TANC1: variants seen among roughly 807,000 people sequenced by gnomAD.
TANC1 encodes the protein protein TANC1.
In TANC1, 77 loss-of-function variants were observed where a neutral mutation model predicts 149.7. The ratio of observed to expected loss-of-function variants is 0.51; its 90% CI spans 0.43 to 0.62. The LOEUF (loss-of-function observed/expected upper bound fraction) is 0.62. Ranked by LOEUF, TANC1 falls within the 20% of genes least tolerant of loss-of-function variation. The pLI is 0.00. For synonymous variants in TANC1, 854 were observed against 925.0 expected, an observed-to-expected ratio of 0.92 and a Z score of 1.39; for missense variants, 1,985 against 2,321.8, an observed-to-expected ratio of 0.85 and a Z score of 2.98.
At position 159,178,893 on chromosome 2, in the gene TANC1, C is replaced by T. The variant is rs2056160577; in HGVS notation, c.2240C>T (p.Thr747Ile). ...CTTCAGTGCAACATGAAGTTCATGA[C>T]CCAGTCCGCCTTTGAGAGGGCACTT... ...YLLQCNMKFM[T>I]QSAFERALPI... Residue 747 changes from threonine (T) to isoleucine (I), a missense_variant, in exon 14 of 27, where the codon ACC becomes ATC. By Grantham distance (89) the Thr-to-Ile change is moderately conservative (BLOSUM62 -1). Around this residue, in one of 3 missense-constraint regions of TANC1, gnomAD observed 508 missense variants for 714.2 expected, o/e 0.71. Coordinates refer to ENST00000263635, the MANE Select transcript of TANC1 (RefSeq NM_033394.3). 5 of 1,614,234 alleles carry T rather than the reference C, an allele frequency of 3.1e-6. No homozygotes were observed. Among genetic ancestry groups the T allele is most frequent in the Non-Finnish European group, 4.2e-6 (5 of 1,180,048 alleles).
chr2:159,052,634 G>A (rs1470033311), intron 2 of TANC1, among the ~76,000 whole-genome samples: 1 of 152,088 alleles, frequency 6.6e-6, no homozygotes, highest in Non-Finnish European at 1.5e-5. Flanking sequence ...CTAAGACAAG[G>A]GATCTGTGAA....
At chr2:159,037,619 C>T (rs1345915102) in intron 2 of TANC1, among the ~76,000 whole-genome samples, 1 of 152,206 alleles carries the variant, frequency 6.6e-6, no homozygotes, top group Non-Finnish European at 1.5e-5. Context: ...GGAATCCTTT[C>T]CGTGTTCCTT....
intron 7 of TANC1, among the ~76,000 whole-genome samples, chr2:159,154,642 A>T (rs2053226108): frequency 6.6e-6 from 1 of 152,272 alleles, no homozygotes. Context: ...TTCTTCTGAC[A>T]TAAATGTCTT....
intron 1 of TANC1, among the ~76,000 whole-genome samples, chr2:158,974,947 C>T (rs1251387150): frequency 1.7e-5 from 2 of 118,872 alleles, no homozygotes; most frequent in Non-Finnish European, 3.3e-5. Flanking sequence ...CAGGGTCTTA[C>T]TATGAGACCA....
At chr2:159,027,749 C>T (rs1054465755) in intron 2 of TANC1, among the ~76,000 whole-genome samples, 18 of 152,028 alleles carry the variant, frequency 1.2e-4, no homozygotes, top group South Asian at 2.1e-4. Flanking sequence ...AGTCTTAGTC[C>T]GTCTCTTGCT....
intron 17 of TANC1, among the ~76,000 whole-genome samples, chr2:159,195,517 G>A (rs929751193): frequency 9.2e-5 from 14 of 152,122 alleles, no homozygotes; most frequent in Non-Finnish European, 1.9e-4. Context: ...TGTGCCTTTT[G>A]AATAACAGTA....
chr2:158,993,536 A>T (rs2035871457), intron 1 of TANC1, among the ~76,000 whole-genome samples: 1 of 151,956 alleles, frequency 6.6e-6, no homozygotes, highest in African/African-American at 2.4e-5. Flanking sequence ...TATTTTTTTT[A>T]AGGCTAGTCA....
intron 5 of TANC1, chr2:159,148,411 A>C (rs1454191092): frequency 6.6e-6 from 1 of 152,230 alleles, no homozygotes; most frequent in Non-Finnish European, 1.5e-5. Context: ...CAGATGACCA[A>C]CCTCAGGGAG....
intron 12 of TANC1, among the ~76,000 whole-genome samples, chr2:159,175,688 C>G (rs2055775159): frequency 2.0e-5 from 3 of 152,246 alleles, no homozygotes; most frequent in Admixed American, 6.5e-5. Flanking sequence ...AGTTTCCCAT[C>G]CTCTCTGCCC....
chr2:159,097,581 T>G (rs1236057405), intron 3 of TANC1, 56 bp from the exon 4 acceptor site: 3 of 1,330,450 alleles, frequency 2.3e-6, no homozygotes, highest in Non-Finnish European at 3.2e-6. Context: ...GAGTTAAATT[T>G]GCATCAACTT....
chr2:158,983,477 A>AAAAAAAAAAAAAAAAAAAAAAC (rs1559098764), intron 1 of TANC1, among the ~76,000 whole-genome samples: 1 of 151,090 alleles, frequency 6.6e-6, no homozygotes, highest in African/African-American at 2.4e-5. Flanking sequence ...CCAAAAAAAA[A>AAAAAAAAAAAAAAAAAAAAAAC]AAAAAAAAAA....
intron 20 of TANC1, 92 bp downstream of exon 20, chr2:159,217,722 CT>C: frequency 1.4e-6 from 2 of 1,470,988 alleles, no homozygotes; most frequent in South Asian, 2.5e-5. Context: ...TGCAGCTCCC[CT>C]GAGCCTGTCT....
At chr2:159,153,325 G>A (rs1052673205) in intron 7 of TANC1, among the ~76,000 whole-genome samples, 4 of 152,200 alleles carry the variant, frequency 2.6e-5, no homozygotes, top group African/African-American at 9.7e-5. Context: ...TTTTTCCTCT[G>A]CTCAAGCCAA....
chr2:159,186,841 A>G (rs2057008818), intron 15 of TANC1, 61 bp from the exon 16 acceptor site: 1 of 1,608,236 alleles, frequency 6.2e-7, no homozygotes, highest in Non-Finnish European at 8.5e-7. Flanking sequence ...GCAGGTGGGA[A>G]GGAGATGCTC....
At chr2:158,987,780 G>A (rs753954085) in intron 1 of TANC1, among the ~76,000 whole-genome samples, 10 of 152,148 alleles carry the variant, frequency 6.6e-5, no homozygotes, top group African/African-American at 2.4e-4. Flanking sequence ...TGGAATGTGG[G>A]AAGGTAGTTT....
At chr2:159,224,431 C>T in intron 23 of TANC1, 67 bp downstream of exon 23, 1 of 1,579,768 alleles carries the variant, frequency 6.3e-7, no homozygotes, top group Non-Finnish European at 8.7e-7. Context: ...GCCTAGACAG[C>T]ACAGAGAGTG....
intron 5 of TANC1, among the ~76,000 whole-genome samples, chr2:159,139,057 A>G (rs1349583756): frequency 6.6e-6 from 1 of 152,088 alleles, no homozygotes; most frequent in Non-Finnish European, 1.5e-5. Context: ...TTTTTTTGTA[A>G]GCAAATAACT....
At chr2:159,170,019 A>G (rs2055030917) in intron 9 of TANC1, among the ~76,000 whole-genome samples, 1 of 151,812 alleles carries the variant, frequency 6.6e-6, no homozygotes, top group Non-Finnish European at 1.5e-5. Flanking sequence ...CTTGGACTGT[A>G]TTGGCCATGT....
chr2:159,143,938 A>G (rs994673888), intron 5 of TANC1, among the ~76,000 whole-genome samples: 3 of 151,798 alleles, frequency 2.0e-5, no homozygotes, highest in Non-Finnish European at 4.4e-5. Context: ...ATTAAAATGA[A>G]CTAACATACA....
Sources: gnomAD v4.1 joint callset for allele counts (sites outside exome capture counted in the v4.1 genomes callset) on GRCh38, gnomAD v4.1.1 for gene constraint, gnomAD v4.1.1 regional missense constraint, MANE v1.5 for transcripts, NCBI Gene and HGNC (gene_info 2026-07-23, HGNC 2026-07-21) for gene names.